The following BMPR1B variants were observed in gnomAD, a reference collection of about 807,000 sequenced individuals.
BMPR1B encodes bone morphogenetic protein receptor type-1B.
BMPR1B carries 12 observed loss-of-function variants against 59.1 expected under a neutral mutation model. That is an observed-to-expected ratio of 0.20 (90% CI 0.13 to 0.33). BMPR1B has a LOEUF of 0.33. Ranked by LOEUF, BMPR1B falls within the 10% of genes least tolerant of loss-of-function variation. The pLI, the probability that BMPR1B is intolerant of heterozygous loss-of-function variation, is 1.00. For synonymous variants in BMPR1B, 237 were observed against 207.3 expected (o/e 1.14, Z -1.23); for missense variants, 550 against 610.9 (o/e 0.90, Z 1.05).
At chr4:95,035,417 A>C (rs1247833602) in intron 3 of BMPR1B, among the ~76,000 whole-genome samples, 2 of 152,118 alleles carry the variant, frequency 1.3e-5, no homozygotes, top group African/African-American at 4.8e-5. Flanking sequence ...TTCAGGTCTT[A>C]GATTTAAGTT....
At chr4:95,136,826 G>C (rs939469635) in intron 10 of BMPR1B, among the ~76,000 whole-genome samples, 8 of 152,012 alleles carry the variant, frequency 5.3e-5, no homozygotes, top group African/African-American at 1.9e-4. Context: ...CTTTCTAGCA[G>C]TCTTATCAAT....
chr4:94,896,440 A>G (rs75652215), intron 2 of BMPR1B, among the ~76,000 whole-genome samples: 2,729 of 152,116 alleles, frequency 0.018, 46 homozygotes, highest in East Asian at 0.083. Context: ...CTGAAAGTTG[A>G]AAATTAGCTT....
chr4:95,056,066 C>A (rs561003718), intron 3 of BMPR1B, among the ~76,000 whole-genome samples: 1 of 152,248 alleles, frequency 6.6e-6, no homozygotes, highest in East Asian at 1.9e-4. Context: ...AGAATTTGAA[C>A]AAATCCTCAA....
At chr4:95,006,408 T>C (rs767080148) in intron 3 of BMPR1B, among the ~76,000 whole-genome samples, 3 of 151,330 alleles carry the variant, frequency 2.0e-5, no homozygotes, top group African/African-American at 4.9e-5. Context: ...TTAATCCTTA[T>C]AATAATTCTA....
intron 1 of BMPR1B, among the ~76,000 whole-genome samples, chr4:94,863,702 C>T (rs4446318): frequency 0.12 from 18,353 of 152,112 alleles, 1,155 homozygotes; most frequent in Non-Finnish European, 0.14. Context: ...AATGTGGCTG[C>T]GTTTTATTTA....
chr4:94,803,726 G>A (rs1029387913), intron 1 of BMPR1B, among the ~76,000 whole-genome samples: 25 of 152,114 alleles, frequency 1.6e-4, no homozygotes, highest in Admixed American at 7.2e-4. Flanking sequence ...CTTATTTTCC[G>A]AATGTCAGAA....
At chr4:94,868,529 T>C (rs1726348732) in intron 1 of BMPR1B, among the ~76,000 whole-genome samples, 1 of 152,276 alleles carries the variant, frequency 6.6e-6, no homozygotes, top group South Asian at 2.1e-4. Context: ...CCCACTGTCA[T>C]TGGAGCTGAG....
intron 3 of BMPR1B, among the ~76,000 whole-genome samples, chr4:95,084,725 A>G (rs968595283): frequency 6.6e-6 from 1 of 152,218 alleles, no homozygotes; most frequent in Admixed American, 6.5e-5. Flanking sequence ...CCCTTGCACT[A>G]AATTCCTAAT....
chr4:95,046,523 A>G (rs555342628), intron 3 of BMPR1B, among the ~76,000 whole-genome samples: 2 of 152,342 alleles, frequency 1.3e-5, no homozygotes, highest in South Asian at 4.1e-4. Context: ...GAGAGTTTAA[A>G]TAATCTGCCC....
At chr4:94,887,467 TATACTC>T (rs1727228361) in intron 2 of BMPR1B, among the ~76,000 whole-genome samples, 1 of 114,326 alleles carries the variant, frequency 8.7e-6, no homozygotes, top group Admixed American at 9.9e-5. Context: ...AACATTTAAA[TATACTC>T]AAACATTTAG....
chr4:94,871,139 C>T (rs1255604879), intron 1 of BMPR1B, among the ~76,000 whole-genome samples: 1 of 152,076 alleles, frequency 6.6e-6, no homozygotes. Context: ...GCAGCTTGCC[C>T]GATGTCACAC....
At chr4:95,089,115 T>G (rs1729799286) in intron 3 of BMPR1B, among the ~76,000 whole-genome samples, 1 of 152,186 alleles carries the variant, frequency 6.6e-6, no homozygotes, top group African/African-American at 2.4e-5. Flanking sequence ...ATACAATGTA[T>G]TTATTTCTTA....
At chr4:95,010,329 T>C (rs919952009) in intron 3 of BMPR1B, among the ~76,000 whole-genome samples, 6 of 152,196 alleles carry the variant, frequency 3.9e-5, no homozygotes, top group Non-Finnish European at 7.3e-5. Flanking sequence ...GTGTGTTTTC[T>C]CATTACTGCT....
intron 2 of BMPR1B, among the ~76,000 whole-genome samples, chr4:94,922,717 G>C (rs1728749281): frequency 6.6e-6 from 1 of 152,076 alleles, no homozygotes; most frequent in African/African-American, 2.4e-5. Flanking sequence ...CTGAAAGCCA[G>C]ATTTTGTCTC....
chr4:94,830,357 T>C (rs1445593428), intron 1 of BMPR1B, among the ~76,000 whole-genome samples: 2 of 152,236 alleles, frequency 1.3e-5, no homozygotes, highest in Non-Finnish European at 2.9e-5. Context: ...CTATACTTTG[T>C]ATTTATAAAT....
Position 95,114,310 on chromosome 4 carries a change from C to G in BMPR1B, c.144-410C>G, listed in dbSNP as rs201354169. 5.3e-5 allele frequency among the ~76,000 whole-genome samples: 8 copies of G among 152,222 alleles called. No individual in the cohort carries two copies. The East Asian group carries it at 1.5e-3, about 29-fold the overall frequency. On this transcript the variant is annotated intron_variant, in intron 4 of 12. Transcript: ENST00000515059. The stretch of plus-strand genomic sequence containing the variant: ...TGAAAGTTACTCAAGCCCCCTGAGC[C>G]TCAGTTTCCTCATATAGAAAGCAAC...
At chr4:94,984,391 T>G (rs1177374665) in intron 2 of BMPR1B, among the ~76,000 whole-genome samples, 1 of 152,210 alleles carries the variant, frequency 6.6e-6, no homozygotes, top group Non-Finnish European at 1.5e-5. Context: ...ACTTCATTAT[T>G]CTACCCAAAA....
intron 2 of BMPR1B, among the ~76,000 whole-genome samples, chr4:94,922,161 A>C (rs1362839627): frequency 6.6e-6 from 1 of 151,882 alleles, no homozygotes; most frequent in African/African-American, 2.4e-5. Context: ...TTATGTAGAG[A>C]AGGGAGTCTT....
intron 3 of BMPR1B, among the ~76,000 whole-genome samples, chr4:95,074,431 CTTTGT>C (rs1214397109): frequency 6.6e-6 from 1 of 152,076 alleles, no homozygotes; most frequent in African/African-American, 2.4e-5. Flanking sequence ...TTGGAAAGGC[CTTTGT>C]TTTCTCCTTA....
Sources: gnomAD v4.1 joint callset for allele counts (sites outside exome capture counted in the v4.1 genomes callset) on GRCh38, gnomAD v4.1.1 for gene constraint, MANE v1.5 for transcripts, NCBI Gene and HGNC (gene_info 2026-07-23, HGNC 2026-07-21) for gene names.